ADARB1: variants seen among roughly 807,000 people sequenced by gnomAD.
ADARB1 encodes double-stranded RNA-specific editase 1.
ADARB1 carries 10 observed loss-of-function variants against 52.4 expected under a neutral mutation model. The observed-to-expected ratio is 0.19, with a 90% CI of 0.12 to 0.32. The LOEUF (loss-of-function observed/expected upper bound fraction) is 0.32. Among genes scored for constraint, ADARB1 ranks in the 10% least tolerant of loss-of-function variants. The pLI is 1.00. For synonymous variants in ADARB1, 349 were observed against 371.1 expected (o/e 0.94, Z 0.68); for missense variants, 643 against 922.3 (o/e 0.70, Z 3.92).
At chr21:45,119,061 A>G (rs1483472668) in intron 1 of ADARB1, among the ~76,000 whole-genome samples, 2 of 152,194 alleles carry the variant, frequency 1.3e-5, no homozygotes, top group Non-Finnish European at 2.9e-5. Flanking sequence ...GATATGGTGT[A>G]CTTTATCACC....
rs527497049 is a variant in ADARB1 at position 45,206,806 on chromosome 21, T to C, written c.1747+2070T>C. On this transcript the variant is annotated intron_variant, in intron 9 of 10. Transcript: ENST00000348831. ...CCAGGCTGGTCTTGAATTCCTGACC[T>C]CAGGTGATCTGTCCACCTCAGCCTC... Among the ~76,000 whole-genome samples, 4 of 152,292 alleles carry C rather than the reference T, an allele frequency of 2.6e-5. No individual in the cohort carries two copies. The East Asian group carries it at 7.7e-4, about 29-fold the overall frequency.
At chr21:45,160,950 T>C (rs913641911) in intron 2 of ADARB1, among the ~76,000 whole-genome samples, 4 of 152,272 alleles carry the variant, frequency 2.6e-5, no homozygotes, top group Admixed American at 2.6e-4. Context: ...CTGTAATTCT[T>C]CTGAGAGTAT....
rs1165477299 is a variant in ADARB1 at position 45,204,036 on chromosome 21, G to T, written c.1566-519G>T. On this transcript the variant is annotated intron_variant, in intron 8 of 10. Transcript: ENST00000348831. This position sits in a 1 kb window ranked among gnomAD's most constrained non-coding sequence, Gnocchi z 4.4. ...TGGCCATCAATCTTATCACCAAGGC[G>T]ACTGCTAATGGGCCAGCGGCATCTG... Among the ~76,000 whole-genome samples, 2 of 152,194 alleles carry T rather than the reference G, an allele frequency of 1.3e-5. No individual in the cohort carries two copies. The highest frequency in any genetic ancestry group is 1.3e-4 in the Admixed American group (2 of 15,288).
chr21:45,225,035 G>A lies in ADARB1; in HGVS notation c.*2838G>A. ...TTTAAGAAAAAATATTACATTTTGA[G>A]GACATTTTGACAAGTAGGGGAAGAG... On this transcript the variant is annotated 3_prime_UTR_variant, in exon 11 of 11. Coordinates refer to ENST00000348831, the MANE Select transcript of ADARB1 (RefSeq NM_001112.4). The A allele has an allele frequency of 6.1e-6, 6 of 985,450 alleles. No homozygotes were observed. Among genetic ancestry groups the A allele is most frequent in the Non-Finnish European group, 7.2e-6 (6 of 830,248 alleles). The allele number at this position is 985,450 out of a possible 1,614,324, so 61.0% of individuals were successfully genotyped here.
At chr21:45,185,925 G>A (rs566457260) in intron 8 of ADARB1, among the ~76,000 whole-genome samples, 6 of 152,258 alleles carry the variant, frequency 3.9e-5, no homozygotes, top group Non-Finnish European at 7.4e-5. Flanking sequence ...CATTGTTTGT[G>A]TGCCCTTTAT....
At chr21:45,218,577 C>T (rs1025320755) in intron 9 of ADARB1, among the ~76,000 whole-genome samples, 23 of 152,288 alleles carry the variant, frequency 1.5e-4, no homozygotes, top group Middle Eastern at 3.4e-3. Context: ...CTCTTCCTTC[C>T]GGTACTCTGT....
Position 45,113,491 on chromosome 21 carries a change from G to GTGTGTATA in ADARB1, c.-219-14910_-219-14909insGTGTATAT, listed in dbSNP as rs1464808688. ...TGTATATATATATATGTGTGTGTGT[G>GTGTGTATA]TATATATGTGTGTGTGTGTGTGTGT... On this transcript the variant is annotated intron_variant, in intron 1 of 10. Transcript: ENST00000348831. 2.8e-3 allele frequency among the ~76,000 whole-genome samples: 339 copies of GTGTGTATA among 119,414 alleles called. 1 individual carries two copies. Among genetic ancestry groups the GTGTGTATA allele is most frequent in the Middle Eastern group, 0.012 (3 of 244 alleles). The allele number at this position is 119,414 out of a possible 152,430, so 78.3% of individuals were successfully genotyped here.
In ADARB1 at chr21:45,129,641, G is replaced by A. The variant is rs558730129; in HGVS notation, c.-48+1068G>A. Among the ~76,000 whole-genome samples, 45 of 152,334 alleles carry A rather than the reference G, an allele frequency of 3.0e-4. 1 individual carries two copies. The South Asian group carries it at 8.9e-3, about 30-fold the overall frequency. On this transcript the variant is annotated intron_variant, in intron 2 of 10. Coordinates refer to ENST00000348831, the MANE Select transcript of ADARB1 (RefSeq NM_001112.4). ...CAGCCGTGCTCCCGCCTGGGAGTTC[G>A]GGATGGCATGCAGAGCTGTGGGGAG...
intron 1 of ADARB1, among the ~76,000 whole-genome samples, chr21:45,083,806 C>G (rs943987119): frequency 2.0e-5 from 3 of 152,122 alleles, no homozygotes; most frequent in African/African-American, 7.2e-5. Context: ...GCGATCCTCC[C>G]GCCTCAGTCT....
chr21:45,187,671 G>C (rs1325531772), intron 8 of ADARB1, among the ~76,000 whole-genome samples: 1 of 152,062 alleles, frequency 6.6e-6, no homozygotes, highest in Non-Finnish European at 1.5e-5. Flanking sequence ...TTATTACGTT[G>C]AGTTAGTTTT....
chr21:45,182,657 G>T lies in ADARB1; in HGVS notation c.1151G>T (p.Ser384Ile), dbSNP rs2091970428. ...AAATGTATTAATGGTGAATACATGA[G>T]TGATCGTGGCCTTGCATTAAATGAC... ...GTKCINGEYM[S>I]DRGLALNDCH... Residue 384 changes from serine to isoleucine, a missense_variant, in exon 6 of 11, where the codon AGT (serine) becomes ATT (isoleucine). Coordinates refer to ENST00000348831, the MANE Select transcript of ADARB1 (RefSeq NM_001112.4). 1 of 1,612,288 alleles carries T rather than the reference G, an allele frequency of 6.2e-7. No homozygotes were observed. The highest frequency in any genetic ancestry group is 1.3e-5 in the African/African-American group (1 of 74,702).
intron 1 of ADARB1, among the ~76,000 whole-genome samples, chr21:45,082,200 G>A (rs530397727): frequency 1.3e-5 from 2 of 152,318 alleles, no homozygotes; most frequent in African/African-American, 4.8e-5. Context: ...GTTTGAGTCT[G>A]CAAAGCAGTT....
intron 1 of ADARB1, among the ~76,000 whole-genome samples, chr21:45,078,327 T>C (rs1351091828): frequency 2.0e-5 from 3 of 152,238 alleles, no homozygotes; most frequent in Non-Finnish European, 2.9e-5. Flanking sequence ...CATTCACCCA[T>C]GCATCCTGGC....
At chr21:45,106,883 G>T (rs1336155133) in intron 1 of ADARB1, among the ~76,000 whole-genome samples, 1 of 152,184 alleles carries the variant, frequency 6.6e-6, no homozygotes, top group African/African-American at 2.4e-5. Flanking sequence ...AAGCACAGAT[G>T]TGCAGTTTCA....
rs1234982668 is a variant in ADARB1, at chr21:45,208,659, CATGAGTGCGTGTGTGT to C, written c.1747+3931_1747+3946del. On this transcript the variant is annotated intron_variant, in intron 9 of 10. Coordinates refer to ENST00000348831, the MANE Select transcript of ADARB1 (RefSeq NM_001112.4). This position sits in a 1 kb window ranked among gnomAD's most constrained non-coding sequence, Gnocchi z 5.6. ...GTGTGTGAGTGCATGTGAGTGTGTG[CATGAGTGCGTGTGTGT>C]ATGAGTGTGTGTGCATGTGTGTGTG... Among the ~76,000 whole-genome samples, 6 of 151,234 alleles carry C rather than the reference CATGAGTGCGTGTGTGT, an allele frequency of 4.0e-5. No homozygotes were observed. The highest frequency in any genetic ancestry group is 9.7e-5 in the African/African-American group (4 of 41,110).
intron 2 of ADARB1, chr21:45,144,646 G>A (rs1162751784): frequency 4.4e-6 from 2 of 454,008 alleles, no homozygotes; most frequent in Admixed American, 2.4e-5. Flanking sequence ...AGAAAGAAAT[G>A]GGAAGAAAAA....
At position 45,222,314 on chromosome 21, in the gene ADARB1, G is replaced by A. The variant is rs2092980526; in HGVS notation, c.*117G>A. 7.1e-7 allele frequency: 1 copy of A among 1,407,280 alleles called. No individual in the cohort carries two copies. The highest frequency in any genetic ancestry group is 3.2e-5 in the Admixed American group (1 of 31,238). The allele number at this position is 1,407,280 out of a possible 1,614,324, so 87.2% of individuals were successfully genotyped here. A position where few individuals can be genotyped will look rare whatever the true frequency, so the allele number is the denominator to read the frequency against. On this transcript the variant is annotated 3_prime_UTR_variant, in exon 11 of 11. Coordinates refer to ENST00000348831, the MANE Select transcript of ADARB1 (RefSeq NM_001112.4). ...CTTGGGGAGGGAGTAGGGGGACACG[G>A]GGGACCACCAGGTGTCCACGGTTGT...
intron 2 of ADARB1, among the ~76,000 whole-genome samples, chr21:45,151,974 G>C (rs407133): frequency 0.54 from 82,020 of 152,020 alleles, 22,242 homozygotes; most frequent in Middle Eastern, 0.58. Flanking sequence ...AACAAGGCAG[G>C]TCAGCATTGG....
At chr21:45,141,015 C>T (rs1010728370) in intron 2 of ADARB1, among the ~76,000 whole-genome samples, 2 of 151,868 alleles carry the variant, frequency 1.3e-5, no homozygotes, top group African/African-American at 4.8e-5. Context: ...CATGGTGAAC[C>T]CCTGTCTGTA....
Sources: allele counts gnomAD v4.1 joint callset (sites outside exome capture counted in the v4.1 genomes callset), GRCh38; gene constraint gnomAD v4.1.1; non-coding constraint Gnocchi (gnomAD v3.1); transcripts MANE v1.5; gene names NCBI Gene and HGNC (gene_info 2026-07-23, HGNC 2026-07-21).